GRID2IP: variants seen among roughly 807,000 people sequenced by gnomAD.
The protein encoded by GRID2IP is Grid2 interacting protein, also known as delphilin.
GRID2IP carries 78 observed loss-of-function variants against 114.3 expected under a neutral mutation model. The ratio of observed to expected loss-of-function variants is 0.68; its 90% CI spans 0.57 to 0.82. GRID2IP has a LOEUF of 0.82. GRID2IP is among the 40% of genes least tolerant of loss of function. The pLI, the probability that GRID2IP is intolerant of heterozygous loss-of-function variation, is 0.00. For synonymous variants in GRID2IP, 809 were observed against 724.0 expected, an observed-to-expected ratio of 1.12 and a Z score of -1.89; for missense variants, 1,727 against 1,678.5, an observed-to-expected ratio of 1.03 and a Z score of -0.51.
intron 1 of GRID2IP, among the ~76,000 whole-genome samples, chr7:6,547,460 A>C (rs1583356376): frequency 6.6e-6 from 1 of 151,804 alleles, no homozygotes; most frequent in East Asian, 1.9e-4. Context: ...AGGCAGGAGG[A>C]TCACTTGAGC....
chr7:6,505,435 G>A (rs937352972), intron 14 of GRID2IP, among the ~76,000 whole-genome samples: 4 of 148,818 alleles, frequency 2.7e-5, no homozygotes, highest in African/African-American at 2.5e-5. Context: ...TGGTGTGATC[G>A]CGGCTCACTG....
rs1005068930 is a variant in GRID2IP, at chr7:6,523,272, C to T, written c.920-1315G>A. On this transcript the variant is annotated intron_variant, in intron 4 of 21. Transcript: ENST00000457091. This position sits in a 1 kb window ranked among gnomAD's most constrained non-coding sequence, Gnocchi z 4.5. The stretch of plus-strand genomic sequence containing the variant: ...ATTAGGGAAGACTTCCCGGGAGAGG[C>T]GAGATGGGGGAAGTCCTTTCCCTGG... Among the ~76,000 whole-genome samples, 1 of 152,086 alleles carries T rather than the reference C, an allele frequency of 6.6e-6. No homozygotes were observed. Among genetic ancestry groups the T allele is most frequent in the East Asian group, 1.9e-4 (1 of 5,188 alleles).
At chr7:6,503,737 A>T in intron 15 of GRID2IP, 50 bp from the exon 16 acceptor site, 1 of 1,354,294 alleles carries the variant, frequency 7.4e-7, no homozygotes, top group African/African-American at 1.6e-5. Flanking sequence ...GCGGGGCCGG[A>T]TGGGACCCAA....
intron 9 of GRID2IP, 59 bp downstream of exon 9, chr7:6,510,849 C>A: frequency 6.6e-7 from 1 of 1,522,024 alleles, no homozygotes; most frequent in African/African-American, 1.4e-5. Context: ...TCACCAAGCC[C>A]ATTTTGCAGG....
chr7:6,508,266 T>A lies in GRID2IP; in HGVS notation c.2263A>T (p.Ser755Cys). Reference protein sequence around the residue: ...ISDHIPPPPLSPPPPPPLPFH... With the variant: ...ISDHIPPPPLCPPPPPPLPFH... ...GGCAGGGGTGGCGGTGGTGGGGGGC[T>A]GAGCGGGGGTGGGGGGATGTGGTCA... Residue 755 changes from serine (S) to cysteine (C), a missense_variant, in exon 13 of 22, where the codon AGC (serine) becomes TGC (cysteine). Physicochemically the swap from Ser to Cys is moderately radical, Grantham distance 112. Transcript: ENST00000457091. This position sits in a 1 kb window ranked among gnomAD's most constrained non-coding sequence, Gnocchi z 5.6. The A allele has an allele frequency of 1.5e-6, 1 of 664,192 alleles. No homozygotes were observed. Among genetic ancestry groups the A allele is most frequent in the East Asian group, 1.6e-4 (1 of 6,412 alleles). The allele number at this position is 664,192 out of a possible 1,614,324, so 41.1% of individuals were successfully genotyped here.
Position 6,551,210 on chromosome 7 carries a change from G to A in GRID2IP, c.227C>T (p.Pro76Leu), listed in dbSNP as rs1045600802. 66 of 1,487,010 alleles carry A rather than the reference G, an allele frequency of 4.4e-5. No individual in the cohort carries two copies. Among genetic ancestry groups the A allele is most frequent in the Non-Finnish European group, 5.5e-5 (62 of 1,126,178 alleles). The allele number at this position is 1,487,010 out of a possible 1,614,324, so 92.1% of individuals were successfully genotyped here. ...VRLARRCPRVPPSLGVLPAPD... is the reference protein window; with the variant it reads ...VRLARRCPRVLPSLGVLPAPD... The stretch of plus-strand genomic sequence containing the variant: ...AGCCGGGAGCACGCCCAGACTGGGC[G>A]GCACACGTGGGCAGCGCCGTGCCAG... The change falls in exon 1 of 22, where the codon CCG becomes CTG. Residue 76 changes from proline (P) to leucine (L), a missense_variant. Transcript: ENST00000457091.
chr7:6,531,460 C>G (rs1216132361), intron 2 of GRID2IP, among the ~76,000 whole-genome samples: 1 of 152,072 alleles, frequency 6.6e-6, no homozygotes, highest in African/African-American at 2.4e-5. Flanking sequence ...AGTGGCGAGT[C>G]CCCGCAGTTC....
chr7:6,549,207 T>G (rs1177269419), intron 1 of GRID2IP, among the ~76,000 whole-genome samples: 2 of 152,132 alleles, frequency 1.3e-5, no homozygotes, highest in African/African-American at 2.4e-5. Flanking sequence ...ATCTGTCCAG[T>G]AAATGGCAGG....
At chr7:6,531,848 G>A (rs550494100) in intron 2 of GRID2IP, among the ~76,000 whole-genome samples, 2 of 152,194 alleles carry the variant, frequency 1.3e-5, no homozygotes, top group African/African-American at 2.4e-5. Flanking sequence ...TGACCCAGAG[G>A]GGGGTGTTGG....
rs1346989003 is a variant in GRID2IP, at chr7:6,509,161, G to C, written c.1924C>G (p.Gln642Glu). ...SLDSSRAPSPQPGPGPICPDS... is the reference protein window; with the variant it reads ...SLDSSRAPSPEPGPGPICPDS... ...GGGCAGATGGGCCCGGGGCCTGGCT[G>C]TGGGGAGGGTGCCCTGCTGCTGTCC... The change falls in exon 12 of 22, where the codon CAG (glutamine) becomes GAG (glutamate). Residue 642 changes from glutamine (Q) to glutamate (E), a missense_variant. By Grantham distance (29) the Gln-to-Glu change is conservative. Transcript: ENST00000457091. This position sits in a 1 kb window ranked among gnomAD's most constrained non-coding sequence, Gnocchi z 4.9. 15 of 1,470,200 alleles carry C rather than the reference G, an allele frequency of 1.0e-5. No homozygotes were observed. The highest frequency in any genetic ancestry group is 7.2e-6 in the Non-Finnish European group (8 of 1,109,674). The allele number at this position is 1,470,200 out of a possible 1,614,324, so 91.1% of individuals were successfully genotyped here.
At chr7:6,500,922 C>T (rs1281622171) in intron 20 of GRID2IP, among the ~76,000 whole-genome samples, 1 of 152,216 alleles carries the variant, frequency 6.6e-6, no homozygotes, top group East Asian at 1.9e-4. Flanking sequence ...TAGGGCCTGA[C>T]AGGCTGCTCC....
rs1049795524 is a variant in GRID2IP at position 6,509,299 on chromosome 7, A to G, written c.1786T>C (p.Ser596Pro). Residue 596 changes from serine to proline, a missense_variant, in exon 12 of 22, where the codon TCC (serine) becomes CCC (proline). Ser to Pro is a moderately conservative substitution (Grantham distance 74). Coordinates refer to ENST00000457091, the MANE Select transcript of GRID2IP (RefSeq NM_001145118.2). This position sits in a 1 kb window ranked among gnomAD's most constrained non-coding sequence, Gnocchi z 4.9. Reference protein sequence around the residue: ...PAVTTGPRTLSGVSWPSERLL... With the variant: ...PAVTTGPRTLPGVSWPSERLL... Reference sequence around the variant, plus strand: ...CGCTCGCTGGGCCATGAGACGCCGGACAGGGTCCTGGGCCCTGGAGGAGGG... The same window carrying G: ...CGCTCGCTGGGCCATGAGACGCCGGGCAGGGTCCTGGGCCCTGGAGGAGGG... The G allele has an allele frequency of 3.9e-6, 6 of 1,520,496 alleles. No homozygotes were observed. The highest frequency in any genetic ancestry group is 4.4e-6 in the Non-Finnish European group (5 of 1,132,068). 94.2% of individuals were successfully genotyped at this position (1,520,496 alleles called of 1,614,324 possible).
chr7:6,529,953 C>G (rs1399662941), intron 2 of GRID2IP, among the ~76,000 whole-genome samples: 2 of 102,156 alleles, frequency 2.0e-5, no homozygotes, highest in Non-Finnish European at 2.3e-5. Flanking sequence ...CTCTCTCTCT[C>G]TCTCTCTCTT....
At position 6,498,269 on chromosome 7, in the gene GRID2IP, C is replaced by A. The variant is rs867712461; in HGVS notation, c.3400-41G>T. 2.7e-6 allele frequency: 4 copies of A among 1,500,388 alleles called. No individual in the cohort carries two copies. In the Admixed American group the frequency reaches 7.0e-5, roughly 26 times the overall value. 92.9% of individuals were successfully genotyped at this position (1,500,388 alleles called of 1,614,324 possible). A position where few individuals can be genotyped will look rare whatever the true frequency, so the allele number is the denominator to read the frequency against. Reference sequence around the variant, plus strand: ...TAAGGAAACAGCCAGCCCGCTTGTGCCCCCAGGGTCTCAGGTGGTGGCCCG... The same window carrying A: ...TAAGGAAACAGCCAGCCCGCTTGTGACCCCAGGGTCTCAGGTGGTGGCCCG... On this transcript the variant is annotated intron_variant, in intron 20 of 21. Transcript: ENST00000457091.
rs567880147 is a variant in GRID2IP at position 6,528,567 on chromosome 7, A to G, written c.585-1798T>C. Among the ~76,000 whole-genome samples the G allele has an allele frequency of 2.6e-5, 4 of 152,310 alleles. No homozygotes were observed. Among genetic ancestry groups the G allele is most frequent in the African/African-American group, 9.6e-5 (4 of 41,572 alleles). On this transcript the variant is annotated intron_variant, in intron 2 of 21. Coordinates refer to ENST00000457091, the MANE Select transcript of GRID2IP (RefSeq NM_001145118.2). This position sits in a 1 kb window ranked among gnomAD's most constrained non-coding sequence, Gnocchi z 6.0. ...TTCCCTGTTCCTTGTACCAGGTGCC[A>G]GGGCCAAGGGCAAGATGAGGGGGAG...
In GRID2IP at chr7:6,504,833, C is replaced by G; in HGVS notation, c.2670G>C (p.Glu890Asp). 2 of 1,551,446 alleles carry G rather than the reference C, an allele frequency of 1.3e-6. No individual in the cohort carries two copies. ...VPGPEPFRKK[E>D]VVEILSHKKA... is the part of the protein sequence containing the mutation. Reference sequence around the variant, plus strand: ...TCTTATGGGACAGGATCTCCACCACCTCCTTCTTCCGGAAGGGCTCCGGCC... The same window carrying G: ...TCTTATGGGACAGGATCTCCACCACGTCCTTCTTCCGGAAGGGCTCCGGCC... Residue 890 changes from glutamate (E) to aspartate (D), a missense_variant, in exon 15 of 22, where the codon GAG (glutamate) becomes GAC (aspartate). Glu to Asp is a conservative substitution (Grantham distance 45). Coordinates refer to ENST00000457091, the MANE Select transcript of GRID2IP (RefSeq NM_001145118.2).
Position 6,502,679 on chromosome 7 carries a change from T to C in GRID2IP, c.3150+107A>G, listed in dbSNP as rs996368491. On this transcript the variant is annotated intron_variant, in intron 18 of 21. Coordinates refer to ENST00000457091, the MANE Select transcript of GRID2IP (RefSeq NM_001145118.2). ...TTTCCTGCTAGGAGGAGAGCCCTCC[T>C]TGGTCACGATGTCCTCTTCTGCCCT... The C allele has an allele frequency of 5.7e-6, 3 of 529,582 alleles. No individual in the cohort carries two copies. In the African/African-American group the frequency reaches 6.4e-5, roughly 11 times the overall value. 32.8% of individuals were successfully genotyped at this position (529,582 alleles called of 1,614,324 possible).
rs902347614 is a variant in GRID2IP, at chr7:6,526,580, C to G, written c.774G>C (p.Pro258=). 1.7e-6 allele frequency: 2 copies of G among 1,198,142 alleles called. No homozygotes were observed. The highest frequency in any genetic ancestry group is 2.1e-6 in the Non-Finnish European group (2 of 967,168). 74.2% of individuals were successfully genotyped at this position (1,198,142 alleles called of 1,614,324 possible). Residue 258 remains proline, a synonymous_variant, in exon 3 of 22, where the codon CCG becomes CCC. Transcript: ENST00000457091. This position sits in a 1 kb window ranked among gnomAD's most constrained non-coding sequence, Gnocchi z 7.6. ...ASAPPRRPDE[P]PPRRASLLVG... ...CCAGCAAGGAGGCCCTGCGCGGGGG[C>G]GGCTCATCGGGGCGGCGCGGCGGGG...
rs887806563 is a variant in GRID2IP, at chr7:6,516,930, T to G, written c.1269-2401A>C. On this transcript the variant is annotated intron_variant, in intron 7 of 21. Transcript: ENST00000457091. This position sits in a 1 kb window ranked among gnomAD's most constrained non-coding sequence, Gnocchi z 4.3. ...GACTCTCACTCCATACCCTGCCCCT[T>G]TGCCTTGTACACAATAAATAACAGC... Among the ~76,000 whole-genome samples the G allele has an allele frequency of 3.9e-5, 6 of 152,054 alleles. No individual in the cohort carries two copies. The highest frequency in any genetic ancestry group is 8.8e-5 in the Non-Finnish European group (6 of 68,012).
Sources: allele counts gnomAD v4.1 joint callset (sites outside exome capture counted in the v4.1 genomes callset), GRCh38; gene constraint gnomAD v4.1.1; non-coding constraint Gnocchi (gnomAD v3.1); transcripts MANE v1.5; gene names NCBI Gene and HGNC (gene_info 2026-07-23, HGNC 2026-07-21).